Variants in TBC1D19 observed in about 807,000 individuals in gnomAD.
TBC1D19 encodes the protein TBC1 domain family member 19.
A neutral mutation model predicts 89.0 loss-of-function variants in TBC1D19; 60 were observed. The observed-to-expected ratio is 0.67, with a 90% CI of 0.55 to 0.84. The LOEUF (loss-of-function observed/expected upper bound fraction) is 0.84. Ranked by LOEUF, TBC1D19 falls within the 40% of genes least tolerant of loss-of-function variation. TBC1D19 has a pLI of 0.00. For synonymous variants in TBC1D19, 189 were observed against 199.7 expected (o/e 0.95, Z 0.45); for missense variants, 500 against 610.8 (o/e 0.82, Z 1.91).
chr4:26,748,592 C>T, intron 19 of TBC1D19, 66 bp downstream of exon 19: 1 of 1,130,330 alleles, frequency 8.8e-7, no homozygotes, highest in Non-Finnish European at 1.3e-6. Flanking sequence ...TTCTTCCTAA[C>T]ATTCACCATC....
chr4:26,603,302 A>G (rs1443927104), intron 1 of TBC1D19, among the ~76,000 whole-genome samples: 1 of 152,212 alleles, frequency 6.6e-6, no homozygotes, highest in Non-Finnish European at 1.5e-5. Context: ...TAGTTAACCA[A>G]TATATTTGAA....
At chr4:26,757,884 A>G (rs1014522218), downstream of TBC1D19, among the ~76,000 whole-genome samples, 6 of 152,148 alleles carry the variant, frequency 3.9e-5, no homozygotes, top group Non-Finnish European at 8.8e-5. Flanking sequence ...ACAACTTCTC[A>G]TTGCTTAAAG....
the TBC1D19 span, among the ~76,000 whole-genome samples, chr4:26,839,788 C>T: frequency 7.2e-5 from 11 of 152,258 alleles, no homozygotes; most frequent in East Asian, 1.4e-3. Context: ...TGACCTTCTG[C>T]GGCATTGCAC....
At chr4:26,593,152 T>A (rs1317045863) in intron 1 of TBC1D19, among the ~76,000 whole-genome samples, 1 of 152,066 alleles carries the variant, frequency 6.6e-6, no homozygotes, top group Non-Finnish European at 1.5e-5. Context: ...TATAGACCAA[T>A]GGAACAGAAC....
chr4:26,758,180 A>T (rs79097604), downstream of TBC1D19, among the ~76,000 whole-genome samples: 5,117 of 152,198 alleles, frequency 0.034, 290 homozygotes, highest in African/African-American at 0.12. Context: ...CACTCATATG[A>T]TGCTTATAGT....
chr4:26,733,816 C>T (rs1473038795), intron 15 of TBC1D19, among the ~76,000 whole-genome samples: 1 of 152,042 alleles, frequency 6.6e-6, no homozygotes, highest in Admixed American at 6.6e-5. Flanking sequence ...TCGTGAAGTC[C>T]GGGAACAACT....
chr4:26,815,714 T>G, the TBC1D19 span, among the ~76,000 whole-genome samples: 1 of 152,242 alleles, frequency 6.6e-6, no homozygotes, highest in African/African-American at 2.4e-5. Context: ...AAGATTTTGG[T>G]CAGGCTAATT....
the TBC1D19 span, among the ~76,000 whole-genome samples, chr4:26,766,603 A>G: frequency 6.6e-6 from 1 of 152,210 alleles, no homozygotes. Context: ...AGAACTATGC[A>G]TATTAGTAAC....
At chr4:26,721,695 T>C (rs1230833111) in intron 15 of TBC1D19, among the ~76,000 whole-genome samples, 1 of 152,182 alleles carries the variant, frequency 6.6e-6, no homozygotes, top group Non-Finnish European at 1.5e-5. Flanking sequence ...GCATGACATA[T>C]GAGGACCTCT....
chr4:26,809,337 C>T, the TBC1D19 span, among the ~76,000 whole-genome samples: 1 of 152,128 alleles, frequency 6.6e-6, no homozygotes, highest in African/African-American at 2.4e-5. Flanking sequence ...AGGGACTGGA[C>T]AAGAGAGGGG....
chr4:26,800,768 A>AT, the TBC1D19 span, among the ~76,000 whole-genome samples: 1 of 151,904 alleles, frequency 6.6e-6, no homozygotes, highest in Non-Finnish European at 1.5e-5. Context: ...GATGATGAGC[A>AT]TTTTTTTCAT....
chr4:26,747,967 A>G (rs1044716784), intron 18 of TBC1D19, among the ~76,000 whole-genome samples: 74 of 152,226 alleles, frequency 4.9e-4, no homozygotes, highest in Non-Finnish European at 1.5e-4. Context: ...CTATATAGCC[A>G]TTTGACTGAA....
At chr4:26,578,481 T>C (rs2109918515) in intron 1 of TBC1D19, among the ~76,000 whole-genome samples, 1 of 151,990 alleles carries the variant, frequency 6.6e-6, no homozygotes, top group South Asian at 2.1e-4. Flanking sequence ...TAAAAAAAGA[T>C]GGTGAAAGGC....
At chr4:26,691,186 A>G (rs563912157) in intron 13 of TBC1D19, among the ~76,000 whole-genome samples, 1 of 152,354 alleles carries the variant, frequency 6.6e-6, no homozygotes, top group Admixed American at 6.5e-5. Flanking sequence ...CTTCAATCTC[A>G]TCATAAAACT....
chr4:26,705,124 T>TC (rs1180642905), intron 13 of TBC1D19, among the ~76,000 whole-genome samples: 2 of 151,366 alleles, frequency 1.3e-5, no homozygotes, highest in African/African-American at 2.4e-5. Flanking sequence ...CTTGTTTTTT[T>TC]TTGTTGTTGT....
chr4:26,801,265 A>C, the TBC1D19 span, among the ~76,000 whole-genome samples: 1 of 151,792 alleles, frequency 6.6e-6, no homozygotes, highest in Non-Finnish European at 1.5e-5. Flanking sequence ...TAAATAGGAA[A>C]TCCTTTCCCC....
intron 8 of TBC1D19, among the ~76,000 whole-genome samples, chr4:26,662,176 CT>C (rs1476109157): frequency 6.6e-6 from 1 of 152,156 alleles, no homozygotes; most frequent in Non-Finnish European, 1.5e-5. Context: ...CCAATGTCAT[CT>C]TCAAATGGAC....
chr4:26,627,178 T>C (rs1023015453), intron 4 of TBC1D19, among the ~76,000 whole-genome samples: 1 of 151,790 alleles, frequency 6.6e-6, no homozygotes, highest in African/African-American at 2.4e-5. Flanking sequence ...CTGAGAATGA[T>C]GATTTCCAAT....
At chr4:26,752,794 C>T (rs777850750) in intron 19 of TBC1D19, among the ~76,000 whole-genome samples, 65 of 151,996 alleles carry the variant, frequency 4.3e-4, no homozygotes, top group Admixed American at 3.3e-4. Context: ...TTTCCATGTG[C>T]GTATGTTTAA....
Sources: allele counts gnomAD v4.1 joint callset (sites outside exome capture counted in the v4.1 genomes callset), GRCh38; gene constraint gnomAD v4.1.1; transcripts MANE v1.5; gene names NCBI Gene and HGNC (gene_info 2026-07-23, HGNC 2026-07-21).